Variants in ALK observed in about 807,000 individuals in gnomAD.
ALK encodes ALK receptor tyrosine kinase.
Under a neutral mutation model 163.1 loss-of-function variants are expected in ALK, and 74 were observed. The observed-to-expected ratio is 0.45, with a 90% CI of 0.38 to 0.55. The LOEUF is 0.55. Ranked by LOEUF, ALK falls within the 20% of genes least tolerant of loss-of-function variation. ALK has a pLI of 0.00. For synonymous variants in ALK, 960 were observed against 843.2 expected (o/e 1.14, Z -2.40); for missense variants, 2,063 against 2,105.3 (o/e 0.98, Z 0.39).
intron 3 of ALK, among the ~76,000 whole-genome samples, chr2:29,663,948 G>C (rs1291990666): frequency 6.6e-6 from 1 of 152,104 alleles, no homozygotes; most frequent in Non-Finnish European, 1.5e-5. Context: ...ACCTTTCCTT[G>C]TTATGTTGAA....
At chr2:29,466,641 T>C (rs1671221149) in intron 4 of ALK, among the ~76,000 whole-genome samples, 1 of 152,214 alleles carries the variant, frequency 6.6e-6, no homozygotes, top group Non-Finnish European at 1.5e-5. Context: ...GGTTTGAGAC[T>C]GTTTCTTGTA....
At chr2:29,434,847 G>C (rs1421399702) in intron 4 of ALK, among the ~76,000 whole-genome samples, 1 of 152,128 alleles carries the variant, frequency 6.6e-6, no homozygotes, top group Non-Finnish European at 1.5e-5. Flanking sequence ...TAGGTCCATG[G>C]GGAATCCATT....
At chr2:29,613,748 T>A (rs541557028) in intron 3 of ALK, among the ~76,000 whole-genome samples, 1 of 152,212 alleles carries the variant, frequency 6.6e-6, no homozygotes, top group Non-Finnish European at 1.5e-5. Context: ...TAAAACGAAT[T>A]TGTACTGTCT....
rs1391544676 is a variant in ALK at position 29,694,881 on chromosome 2, A to G, written c.921T>C (p.Pro307=). 1 of 1,614,020 alleles carries G rather than the reference A, an allele frequency of 6.2e-7. No individual in the cohort carries two copies. Among genetic ancestry groups the G allele is most frequent in the South Asian group, 1.1e-5 (1 of 91,072 alleles). The change falls in exon 3 of 29, where the codon CCT becomes CCC. Residue 307 remains proline, a synonymous_variant. Coordinates refer to ENST00000389048, the MANE Select transcript of ALK (RefSeq NM_004304.5). ...GCATCTCCTTAGAACGCTCTGCCCC[A>G]GGCCCATCCAGCAAGTCCATCTGGG... ...EASQMDLLDG[P]GAERSKEMPR...
chr2:29,607,945 T>TA (rs1276288586), intron 3 of ALK, among the ~76,000 whole-genome samples: 3 of 152,164 alleles, frequency 2.0e-5, no homozygotes, highest in African/African-American at 7.2e-5. Context: ...TTTGCCAACA[T>TA]AATCGTGATT....
At chr2:29,540,688 T>C (rs960849907) in intron 3 of ALK, among the ~76,000 whole-genome samples, 1 of 151,898 alleles carries the variant, frequency 6.6e-6, no homozygotes, top group East Asian at 1.9e-4. Flanking sequence ...TTTCTCACAA[T>C]GTAGACTGAA....
intron 1 of ALK, among the ~76,000 whole-genome samples, chr2:29,824,584 C>G (rs569443526): frequency 4.6e-5 from 7 of 152,220 alleles, no homozygotes; most frequent in Non-Finnish European, 8.8e-5. Flanking sequence ...CAAGGGAGAT[C>G]ATTTTGGAGA....
chr2:29,300,535 A>G (rs1321307240), intron 8 of ALK, among the ~76,000 whole-genome samples: 1 of 138,478 alleles, frequency 7.2e-6, no homozygotes, highest in Non-Finnish European at 1.5e-5. Context: ...AGCCTGGGTG[A>G]CAGAGCAAGA....
At chr2:29,863,582 A>AT (rs550981726) in intron 1 of ALK, among the ~76,000 whole-genome samples, 111 of 152,288 alleles carry the variant, frequency 7.3e-4, no homozygotes, top group African/African-American at 2.7e-3. Flanking sequence ...ATATCACCCC[A>AT]TGCCTGTTTG....
chr2:29,764,239 G>GCTCTCCA (rs1190729772), intron 1 of ALK, among the ~76,000 whole-genome samples: 1 of 152,186 alleles, frequency 6.6e-6, no homozygotes, highest in Non-Finnish European at 1.5e-5. Context: ...TCTGAGTAGA[G>GCTCTCCA]CTCTCCAAGT....
intron 4 of ALK, among the ~76,000 whole-genome samples, chr2:29,401,205 TCTCTC>T (rs1487575333): frequency 6.6e-6 from 1 of 152,108 alleles, no homozygotes; most frequent in African/African-American, 2.4e-5. Context: ...AAGCTGCTCT[TCTCTC>T]CTCTCCTGAC....
intron 1 of ALK, among the ~76,000 whole-genome samples, chr2:29,913,782 G>C (rs1186809349): frequency 6.6e-6 from 1 of 152,088 alleles, no homozygotes; most frequent in Non-Finnish European, 1.5e-5. Context: ...GAGTCTCAAA[G>C]TTTAACTGCT....
intron 1 of ALK, among the ~76,000 whole-genome samples, chr2:29,744,473 T>C (rs551782891): frequency 3.9e-5 from 6 of 152,314 alleles, no homozygotes; most frequent in Admixed American, 3.9e-4. Flanking sequence ...AGCTTGTCTC[T>C]GGTCAACTCT....
chr2:29,491,575 C>T (rs1192413829), intron 4 of ALK, among the ~76,000 whole-genome samples: 1 of 152,104 alleles, frequency 6.6e-6, no homozygotes, highest in East Asian at 1.9e-4. Flanking sequence ...ACACATAGCA[C>T]GAGCAACATT....
intron 1 of ALK, among the ~76,000 whole-genome samples, chr2:29,866,093 T>A (rs541529982): frequency 7.2e-5 from 11 of 152,240 alleles, no homozygotes; most frequent in African/African-American, 2.4e-4. Context: ...AACATCAGTG[T>A]CTTTCTCTAC....
chr2:29,913,980 G>A (rs1015848802), intron 1 of ALK, among the ~76,000 whole-genome samples: 3 of 152,134 alleles, frequency 2.0e-5, no homozygotes, highest in Admixed American at 6.5e-5. Flanking sequence ...GTTAAGAAAC[G>A]TCTGCCATCT....
chr2:29,294,044 T>C, intron 9 of ALK, among the ~76,000 whole-genome samples: 1 of 152,246 alleles, frequency 6.6e-6, no homozygotes, highest in East Asian at 1.9e-4. Context: ...GCTGAATAGC[T>C]GAAGCCAGGA....
intron 1 of ALK, among the ~76,000 whole-genome samples, chr2:29,847,968 CA>C (rs1456352675): frequency 6.6e-6 from 1 of 152,094 alleles, no homozygotes; most frequent in African/African-American, 2.4e-5. Flanking sequence ...AGTGGCGAGA[CA>C]AACTTCTGGC....
chr2:29,383,973 T>C, intron 4 of ALK, 114 bp from the exon 5 acceptor site: 2 of 1,344,286 alleles, frequency 1.5e-6, no homozygotes, highest in South Asian at 2.4e-5. Context: ...ACATTCTTCA[T>C]GGGCACCAAG....
Sources: allele counts gnomAD v4.1 joint callset (sites outside exome capture counted in the v4.1 genomes callset), GRCh38; gene constraint gnomAD v4.1.1; transcripts MANE v1.5; gene names NCBI Gene and HGNC (gene_info 2026-07-23, HGNC 2026-07-21).